JMJD6: variants seen among roughly 807,000 people sequenced by gnomAD.
JMJD6 encodes the protein jumonji domain containing 6, arginine demethylase and lysine hydroxylase.
JMJD6 carries 17 observed loss-of-function variants against 45.8 expected under a neutral mutation model. The observed-to-expected ratio is 0.37, with a 90% CI of 0.25 to 0.56. The LOEUF is 0.56. Ranked by LOEUF, JMJD6 falls within the 20% of genes least tolerant of loss-of-function variation. The pLI is 0.79. For missense variants in JMJD6, 470 were observed against 517.5 expected, an observed-to-expected ratio of 0.91 and a Z score of 0.89; for synonymous variants, 221 against 196.3, an observed-to-expected ratio of 1.13 and a Z score of -1.05.
downstream of JMJD6, chr17:76,716,726 C>A (rs760093288): frequency 1.9e-6 from 3 of 1,614,016 alleles, no homozygotes; most frequent in Non-Finnish European, 2.5e-6. Flanking sequence ...CCTAATCCTG[C>A]CAAGGAAAGC....
At chr17:76,725,436 ATTTT>A in intron 2 of JMJD6, 27 bp downstream of exon 2, 10 of 1,405,862 alleles carry the variant, frequency 7.1e-6, no homozygotes, top group East Asian at 2.4e-5. Flanking sequence ...AAAGAAAAGG[ATTTT>A]AACCACTTAG....
Position 76,718,608 on chromosome 17 carries a change from G to A in JMJD6, c.*121C>T. 2 of 1,483,580 alleles carry A rather than the reference G, an allele frequency of 1.3e-6. No homozygotes were observed. Among genetic ancestry groups the A allele is most frequent in the Non-Finnish European group, 1.8e-6 (2 of 1,121,912 alleles). The allele number at this position is 1,483,580 out of a possible 1,614,324, so 91.9% of individuals were successfully genotyped here. On this transcript the variant is annotated 3_prime_UTR_variant, in exon 6 of 6. Transcript: ENST00000397625. ...AAGTGAATGGGTTCCCGTGCCGAGG[G>A]TGTCCTCATTCTTGGGCTCTGTCAG...
rs761018686 is a variant in JMJD6, at chr17:76,718,693, A to G, written c.*36T>C. 1 of 1,607,606 alleles carries G rather than the reference A, an allele frequency of 6.2e-7. No individual in the cohort carries two copies. ...CTCCCCAGGCCCTGCCCTTGCCGCGAGCGTGTCCTTCCATACAGACAACAG... is the reference window on the plus strand; with the variant it reads ...CTCCCCAGGCCCTGCCCTTGCCGCGGGCGTGTCCTTCCATACAGACAACAG... On this transcript the variant is annotated 3_prime_UTR_variant, in exon 6 of 6. Coordinates refer to ENST00000397625, the MANE Select transcript of JMJD6 (RefSeq NM_015167.3).
chr17:76,725,151 G>A (rs1352135116), intron 2 of JMJD6, among the ~76,000 whole-genome samples: 1 of 152,172 alleles, frequency 6.6e-6, no homozygotes, highest in African/African-American at 2.4e-5. Context: ...GCTCACACCT[G>A]CAATCGCAGC....
chr17:76,713,662 T>G (rs2076744586), downstream of JMJD6: 1 of 152,226 alleles, frequency 6.6e-6, no homozygotes, highest in African/African-American at 2.4e-5. Context: ...TTTTTTACAT[T>G]TACTGCAAAA....
intron 4 of JMJD6, chr17:76,721,526 A>C (rs760376239): frequency 2.8e-5 from 13 of 463,130 alleles, no homozygotes; most frequent in Non-Finnish European, 4.8e-5. Flanking sequence ...ACAAAACACA[A>C]AACAAAACGA....
chr17:76,724,070 A>G lies in JMJD6; in HGVS notation c.519-12T>C. On this transcript the variant is annotated splice_polypyrimidine_tract_variant and intron_variant, in intron 2 of 5. Coordinates refer to ENST00000397625, the MANE Select transcript of JMJD6 (RefSeq NM_015167.3). ...CCATCACAAACCACCTACAGAATGG[A>G]GATATCCAAGATGTGAAGTGTAATT... 6.2e-7 allele frequency: 1 copy of G among 1,611,316 alleles called. No individual in the cohort carries two copies. The highest frequency in any genetic ancestry group is 2.2e-5 in the East Asian group (1 of 44,782).
At chr17:76,718,315 T>A, downstream of JMJD6, 1 of 504,148 alleles carries the variant, frequency 2.0e-6, no homozygotes, top group Non-Finnish European at 2.8e-6. Context: ...TTCCAATGGC[T>A]CTCCCTACGC....
downstream of JMJD6, chr17:76,713,900 A>G (rs1488087268): frequency 6.6e-6 from 1 of 152,236 alleles, no homozygotes; most frequent in Non-Finnish European, 1.5e-5. Flanking sequence ...TGCCCTCACC[A>G]GCGGCCCTGT....
downstream of JMJD6, chr17:76,714,912 G>A (rs767982873): frequency 6.6e-5 from 10 of 152,318 alleles, no homozygotes; most frequent in Non-Finnish European, 1.5e-4. Context: ...GCTTCCCAAA[G>A]TGCTGGGATT....
chr17:76,725,803 T>A lies in JMJD6; in HGVS notation c.182A>T (p.Glu61Val), dbSNP rs1164862353. 2 of 1,613,550 alleles carry A rather than the reference T, an allele frequency of 1.2e-6. No homozygotes were observed. Among genetic ancestry groups the A allele is most frequent in the Non-Finnish European group, 1.7e-6 (2 of 1,179,920 alleles). The change falls in exon 2 of 6, where the codon GAG becomes GTG. Residue 61 changes from glutamate (E) to valine (V), a missense_variant. Physicochemically the swap from Glu to Val is moderately radical, Grantham distance 121 (BLOSUM62 -2). Transcript: ENST00000397625. ...GGGCTTGTAAGGTCTTTCATACCGC[T>A]CCACAAATTCTTCCACAGACAGCTG... ...ALQLSVEEFV[E>V]RYERPYKPVV...
chr17:76,716,806 AC>A, downstream of JMJD6: 2 of 1,390,340 alleles, frequency 1.4e-6, no homozygotes, highest in Non-Finnish European at 1.0e-6. Context: ...TAAAAGCAGG[AC>A]CCCCGGGACC....
Position 76,720,421 on chromosome 17 carries a change from G to C in JMJD6, c.1019C>G (p.Ser340Cys), listed in dbSNP as rs1157910263. ...VDLQESTGIA[S>C]DSSSDSSSSS... ...GCTGGAAGAGTCGCTGGAGCTGTCG[G>C]AAGCTATCCCTGTGGACTCCTGAAG... is the stretch of plus-strand genomic sequence containing the variant. The change falls in exon 5 of 6, where the codon TCC (serine) becomes TGC (cysteine). Residue 340 changes from serine (S) to cysteine (C), a missense_variant. Ser to Cys is a moderately radical substitution (Grantham distance 112, BLOSUM62 -1). This residue lies in a region of JMJD6 where 58 missense variants were observed against 103.9 expected (regional missense o/e 0.56). Transcript: ENST00000397625. 1 of 1,614,162 alleles carries C rather than the reference G, an allele frequency of 6.2e-7. No individual in the cohort carries two copies. The highest frequency in any genetic ancestry group is 8.5e-7 in the Non-Finnish European group (1 of 1,180,002).
At position 76,725,406 on chromosome 17, in the gene JMJD6, CAAAAAA is replaced by C. The variant is rs36106744; in HGVS notation, c.518+55_518+60del. 100 of 958,918 alleles carry C rather than the reference CAAAAAA, an allele frequency of 1.0e-4. No homozygotes were observed. The Middle Eastern group carries it at 1.1e-3, about 10-fold the overall frequency. The allele number at this position is 958,918 out of a possible 1,614,324, so 59.4% of individuals were successfully genotyped here. A position where few individuals can be genotyped will look rare whatever the true frequency, so the allele number is the denominator to read the frequency against. ...GGGCTACAAGAGTGACGCTCTGTCT[CAAAAAA>C]AAAAAAAAAAAAAAAAGAAAAGGAT... On this transcript the variant is annotated intron_variant, in intron 2 of 5. Coordinates refer to ENST00000397625, the MANE Select transcript of JMJD6 (RefSeq NM_015167.3).
Position 76,721,791 on chromosome 17 carries a change from C to A in JMJD6, c.941+7G>T. ...CCAAGCAGAAATAAGAAAAAAATGACTCTCACCTATACCATTTCCTTGATA... is the reference window on the plus strand; with the variant it reads ...CCAAGCAGAAATAAGAAAAAAATGAATCTCACCTATACCATTTCCTTGATA... On this transcript the variant is annotated splice_region_variant and intron_variant, in intron 4 of 5. Transcript: ENST00000397625. 6.2e-7 allele frequency: 1 copy of A among 1,610,562 alleles called. No homozygotes were observed. The highest frequency in any genetic ancestry group is 1.7e-4 in the Middle Eastern group (1 of 6,032).
chr17:76,715,775 C>T (rs1271144918), downstream of JMJD6: 1 of 152,228 alleles, frequency 6.6e-6, no homozygotes, highest in African/African-American at 2.4e-5. Context: ...GAGATGGCAT[C>T]TGCTGGTCAA....
At chr17:76,723,592 C>A (rs568586960) in intron 3 of JMJD6, among the ~76,000 whole-genome samples, 180 bp downstream of exon 3, 8 of 152,108 alleles carry the variant, frequency 5.3e-5, no homozygotes, top group Non-Finnish European at 1.0e-4. Context: ...AGGCGCCCAC[C>A]ACCACGCCCG....
rs2076789286 is a variant in JMJD6, at chr17:76,718,831, T to C, written c.1110A>G (p.Thr370=). Residue 370 remains threonine, a synonymous_variant, in exon 6 of 6, where the codon ACA becomes ACG. Coordinates refer to ENST00000397625, the MANE Select transcript of JMJD6 (RefSeq NM_015167.3). ...ECESGSEGDG[T]VHRRKKRRTC... is the part of the protein sequence containing the mutation. ...TCCTCCTCTTCTTCCTGCGGTGCAC[T>C]GTCCCATCGCCCTCGGATCCAGACT... is the stretch of plus-strand genomic sequence containing the variant. 6.2e-7 allele frequency: 1 copy of C among 1,614,056 alleles called. No individual in the cohort carries two copies. Among genetic ancestry groups the C allele is most frequent in the African/African-American group, 1.3e-5 (1 of 74,936 alleles).
At chr17:76,717,406 CA>C (rs2076773091), downstream of JMJD6, among the ~76,000 whole-genome samples, 1 of 152,212 alleles carries the variant, frequency 6.6e-6, no homozygotes, top group Non-Finnish European at 1.5e-5. Flanking sequence ...ACCAGCACAT[CA>C]AAGACCTGTG....
Sources: gnomAD v4.1 joint callset for allele counts (sites outside exome capture counted in the v4.1 genomes callset) on GRCh38, gnomAD v4.1.1 for gene constraint, gnomAD v4.1.1 regional missense constraint, MANE v1.5 for transcripts, NCBI Gene and HGNC (gene_info 2026-07-23, HGNC 2026-07-21) for gene names.